ACTA2: variants seen among roughly 807,000 people sequenced by gnomAD.
The protein encoded by ACTA2 is actin, aortic smooth muscle.
Under a neutral mutation model 39.5 loss-of-function variants are expected in ACTA2, and 12 were observed. The observed-to-expected ratio is 0.30, with a 90% CI of 0.19 to 0.49. The LOEUF is 0.49. ACTA2 is among the 20% of genes least tolerant of loss of function. The pLI is 0.99. For synonymous variants in ACTA2, 158 were observed against 180.6 expected (o/e 0.88, Z 1.00); for missense variants, 236 against 498.8 (o/e 0.47, Z 5.02).
At chr10:88,952,904 C>T (rs1846075623), upstream of ACTA2, 1 of 152,406 alleles carries the variant, frequency 6.6e-6, no homozygotes. Flanking sequence ...GACCTCAGCA[C>T]AAAACTCTCT....
At chr10:88,981,457 C>G (rs921855513) in intron 1 of ACTA2, among the ~76,000 whole-genome samples, 1 of 151,564 alleles carries the variant, frequency 6.6e-6, no homozygotes, top group African/African-American at 2.4e-5. Context: ...TATATTCACA[C>G]CAGGAAAAGT....
intron 3 of ACTA2, among the ~76,000 whole-genome samples, chr10:88,946,656 T>C (rs1845953623): frequency 6.6e-6 from 1 of 152,166 alleles, no homozygotes; most frequent in Admixed American, 6.5e-5. Flanking sequence ...CCTCCCAAAG[T>C]GTTGGGATTA....
intron 1 of ACTA2, among the ~76,000 whole-genome samples, chr10:88,961,734 C>G (rs943113): frequency 0.011 from 1,707 of 152,262 alleles, 41 homozygotes; most frequent in African/African-American, 0.039. Context: ...GCTAATTCAC[C>G]TCTCAGTTTT....
rs1589408732 is a variant in ACTA2, at chr10:88,961,249, G to T, written c.-23-12296C>A. On this transcript the variant is annotated intron_variant, in intron 1 of 4. Transcript: ENST00000415557. ...ATAAGTTAAAGTTTCTAACAACCTAGCAACACAGAGGACAGATTGCCTTAT... is the reference window on the plus strand; with the variant it reads ...ATAAGTTAAAGTTTCTAACAACCTATCAACACAGAGGACAGATTGCCTTAT... 2.0e-5 allele frequency among the ~76,000 whole-genome samples: 3 copies of T among 152,174 alleles called. No individual in the cohort carries two copies. The South Asian group carries it at 6.2e-4, about 32-fold the overall frequency.
Position 88,947,397 on chromosome 10 carries a change from T to A in ACTA2, c.130-11A>T. On this transcript the variant is annotated splice_polypyrimidine_tract_variant and intron_variant, in intron 2 of 8. Coordinates refer to ENST00000224784, the MANE Select transcript of ACTA2 (RefSeq NM_001613.4). ...TCCCACCATCACCCCCTAAAAAGGT[T>A]CAACACATTATGAGTCAGCATCTCC... 2 of 1,613,754 alleles carry A rather than the reference T, an allele frequency of 1.2e-6. No homozygotes were observed. The highest frequency in any genetic ancestry group is 1.3e-5 in the African/African-American group (1 of 74,992).
At chr10:88,958,016 T>C (rs1706262347) in intron 1 of ACTA2, among the ~76,000 whole-genome samples, 1 of 152,136 alleles carries the variant, frequency 6.6e-6, no homozygotes, top group South Asian at 2.1e-4. Context: ...TCTGCCTGCC[T>C]CAGCCTCCCA....
chr10:88,942,022 T>C (rs1845864518), intron 4 of ACTA2, among the ~76,000 whole-genome samples, 153 bp from the exon 5 acceptor site: 1 of 151,966 alleles, frequency 6.6e-6, no homozygotes, highest in African/African-American at 2.4e-5. Context: ...CCTGGTCACG[T>C]TAAAGAGGAG....
rs768520604 is a variant in ACTA2, at chr10:88,941,217, C to T, written c.616+12G>A. 6.2e-7 allele frequency: 1 copy of T among 1,613,716 alleles called. No homozygotes were observed. ...CTGCTCCCCTCTCCCCCTTATCTCC[C>T]ACAGGCCTCACCAGTAGTAACGAAG... On this transcript the variant is annotated intron_variant, in intron 6 of 8. Coordinates refer to ENST00000224784, the MANE Select transcript of ACTA2 (RefSeq NM_001613.4).
chr10:88,943,704 G>T, intron 4 of ACTA2, 93 bp downstream of exon 4: 1 of 1,055,776 alleles, frequency 9.5e-7, no homozygotes, highest in Non-Finnish European at 1.5e-6. Flanking sequence ...TGGACTCCTA[G>T]CTCCGGCCTT....
chr10:88,966,613 C>CA (rs1846322162), intron 1 of ACTA2, among the ~76,000 whole-genome samples: 2 of 152,142 alleles, frequency 1.3e-5, no homozygotes, highest in Admixed American at 1.3e-4. Flanking sequence ...ATGACTTAGA[C>CA]AGAGTGCCTA....
chr10:88,972,461 G>A (rs1031560349), intron 1 of ACTA2, among the ~76,000 whole-genome samples: 2 of 152,130 alleles, frequency 1.3e-5, no homozygotes, highest in East Asian at 1.9e-4. Flanking sequence ...GATACAGTTC[G>A]ATTTAGATTT....
intron 1 of ACTA2, among the ~76,000 whole-genome samples, chr10:88,968,501 C>T (rs1846363322): frequency 6.6e-6 from 1 of 152,176 alleles, no homozygotes; most frequent in Non-Finnish European, 1.5e-5. Flanking sequence ...CTCTGCTGAC[C>T]TGAAGGAATG....
chr10:88,958,859 G>A (rs752930062), intron 1 of ACTA2, among the ~76,000 whole-genome samples: 2 of 152,088 alleles, frequency 1.3e-5, no homozygotes, highest in Non-Finnish European at 2.9e-5. Context: ...GGTCCTCGGG[G>A]GGAAGGGAGG....
At chr10:88,940,275 C>CTCT (rs1845824005) in intron 6 of ACTA2, 1 of 165,918 alleles carries the variant, frequency 6.0e-6, no homozygotes, top group East Asian at 1.6e-4. Flanking sequence ...GCATACTGAA[C>CTCT]GAGATACGGA....
At chr10:88,961,192 G>T (rs1314051775) in intron 1 of ACTA2, among the ~76,000 whole-genome samples, 2 of 152,194 alleles carry the variant, frequency 1.3e-5, no homozygotes, top group Admixed American at 6.5e-5. Flanking sequence ...TGTCTACAGA[G>T]AAATAGATTT....
intron 1 of ACTA2, among the ~76,000 whole-genome samples, chr10:88,969,240 T>A (rs1244067772): frequency 1.3e-5 from 2 of 152,188 alleles, no homozygotes; most frequent in African/African-American, 4.8e-5. Context: ...TTCCGTAATG[T>A]CCAAATTACC....
At chr10:88,940,145 T>G in intron 6 of ACTA2, 1 of 250,732 alleles carries the variant, frequency 4.0e-6, no homozygotes, top group South Asian at 4.8e-5. Context: ...TTTCAAAAAG[T>G]CTGAGATCCT....
intron 6 of ACTA2, 148 bp downstream of exon 6, chr10:88,941,081 G>T: frequency 1.0e-6 from 1 of 999,688 alleles, no homozygotes; most frequent in Non-Finnish European, 1.5e-6. Context: ...ACACAGCAAA[G>T]AAAGATGTGC....
At chr10:88,973,262 A>C (rs543823339) in intron 1 of ACTA2, 3 of 1,612,578 alleles carry the variant, frequency 1.9e-6, no homozygotes, top group Admixed American at 3.3e-5. Context: ...GACCAAATGG[A>C]TTCCCACTCT....
Sources: allele counts gnomAD v4.1 joint callset (sites outside exome capture counted in the v4.1 genomes callset), GRCh38; gene constraint gnomAD v4.1.1; transcripts MANE v1.5; gene names NCBI Gene and HGNC (gene_info 2026-07-23, HGNC 2026-07-21).